The following UGT1A6 variants were observed in gnomAD, a reference collection of about 807,000 sequenced individuals.
UGT1A6 encodes UDP-glucuronosyltransferase 1A6.
In UGT1A6, 32 loss-of-function variants were observed where a neutral mutation model predicts 44.4. The ratio of observed to expected loss-of-function variants is 0.72; its 90% CI spans 0.54 to 0.97. The LOEUF (loss-of-function observed/expected upper bound fraction) is 0.97, where lower values mean the gene tolerates loss of function less well. UGT1A6 is among the 50% of genes least tolerant of loss of function. The pLI is 0.00. For missense variants in UGT1A6, 685 were observed against 661.9 expected (o/e 1.03, Z -0.38); for synonymous variants, 238 against 248.5 (o/e 0.96, Z 0.40).
intron 1 of UGT1A6, chr2:233,747,139 T>C: frequency 6.4e-7 from 1 of 1,552,428 alleles, no homozygotes; most frequent in East Asian, 2.3e-5. Flanking sequence ...AGTGACAAGG[T>C]AATTAAGATG....
At chr2:233,719,227 C>G in intron 1 of UGT1A6, 1 of 1,614,176 alleles carries the variant, frequency 6.2e-7, no homozygotes, top group Non-Finnish European at 8.5e-7. Context: ...CATAATGAGG[C>G]CCTGATCAGG....
intron 1 of UGT1A6, among the ~76,000 whole-genome samples, chr2:233,694,915 T>C (rs1391653118): frequency 6.6e-6 from 1 of 152,254 alleles, no homozygotes; most frequent in Non-Finnish European, 1.5e-5. Flanking sequence ...ACGTATACAA[T>C]GTGCGATGAT....
At chr2:233,719,672 G>T (rs777502728) in intron 1 of UGT1A6, 75 of 1,613,516 alleles carry the variant, frequency 4.6e-5, no homozygotes, top group Non-Finnish European at 6.0e-5. Flanking sequence ...GTGCCAACGG[G>T]AAGCCACTAT....
intron 1 of UGT1A6, among the ~76,000 whole-genome samples, chr2:233,721,360 G>T (rs1478965669): frequency 6.6e-6 from 1 of 152,144 alleles, no homozygotes; most frequent in Non-Finnish European, 1.5e-5. Context: ...AGACTGAACT[G>T]CACTGGCTCA....
rs1438675423 is a variant in UGT1A6 at position 233,720,224 on chromosome 2, C to CA, written c.861+26360dup. On this transcript the variant is annotated intron_variant, in intron 1 of 4. Coordinates refer to ENST00000305139, the MANE Select transcript of UGT1A6 (RefSeq NM_001072.4). ...TGAAGGTGGGATGGATGCATGTGAT[C>CA]AGAGAATGAAACATGGAGTTCAGTT... is the stretch of plus-strand genomic sequence containing the variant. Among the ~76,000 whole-genome samples the CA allele has an allele frequency of 3.3e-5, 5 of 152,078 alleles. No homozygotes were observed. The East Asian group carries it at 9.6e-4, about 29-fold the overall frequency.
chr2:233,729,725 C>A (rs780989099), intron 1 of UGT1A6: 1 of 1,613,968 alleles, frequency 6.2e-7, no homozygotes, highest in East Asian at 2.2e-5. Flanking sequence ...TTACTAACAA[C>A]CAATTCAGAC....
rs35003977 is a variant in UGT1A6, at chr2:233,760,961, T to G, written c.862-6073T>G. 783 of 1,614,200 alleles carry G rather than the reference T, an allele frequency of 4.9e-4. 4 individuals are homozygous for G. The highest frequency in any genetic ancestry group is 3.5e-3 in the Middle Eastern group (21 of 6,062). On this transcript the variant is annotated intron_variant, in intron 1 of 4. Coordinates refer to ENST00000305139, the MANE Select transcript of UGT1A6 (RefSeq NM_001072.4). ...TTTTCACAGAACTTTCTGTGCGACG[T>G]GGTTTATTCCCCGTATGCAACCCTT...
At chr2:233,700,348 T>C (rs1340471212) in intron 1 of UGT1A6, among the ~76,000 whole-genome samples, 1 of 152,336 alleles carries the variant, frequency 6.6e-6, no homozygotes, top group East Asian at 1.9e-4. Flanking sequence ...ACCCTGTGCT[T>C]ATCTTTATGG....
At chr2:233,709,728 A>G (rs1036199930) in intron 1 of UGT1A6, among the ~76,000 whole-genome samples, 11 of 152,204 alleles carry the variant, frequency 7.2e-5, no homozygotes, top group African/African-American at 2.4e-4. Flanking sequence ...TATGTTTTCA[A>G]TTGATACTAC....
chr2:233,713,246 C>T (rs2076296545), intron 1 of UGT1A6: 1 of 1,614,080 alleles, frequency 6.2e-7, no homozygotes, highest in African/African-American at 1.3e-5. Context: ...TTTCATGGAC[C>T]CAGGACGAAT....
intron 1 of UGT1A6, among the ~76,000 whole-genome samples, chr2:233,739,789 G>C (rs1409404802): frequency 6.6e-6 from 1 of 152,118 alleles, no homozygotes; most frequent in African/African-American, 2.4e-5. Context: ...AGACTTTGGA[G>C]GACAGTTGGG....
intron 1 of UGT1A6, chr2:233,753,750 T>C (rs1387497613): frequency 6.6e-6 from 1 of 152,184 alleles, no homozygotes; most frequent in Non-Finnish European, 1.5e-5. Context: ...AATAGGACAG[T>C]TTTGCGTGGC....
intron 1 of UGT1A6, among the ~76,000 whole-genome samples, chr2:233,726,446 C>T (rs1475095997): frequency 6.6e-6 from 1 of 152,204 alleles, no homozygotes; most frequent in African/African-American, 2.4e-5. Context: ...ATTCTTTCCA[C>T]TGAATGTAAG....
chr2:233,722,457 A>G (rs2077013150), intron 1 of UGT1A6, among the ~76,000 whole-genome samples: 4 of 152,226 alleles, frequency 2.6e-5, no homozygotes, highest in South Asian at 4.1e-4. Flanking sequence ...CAAAGAAATA[A>G]CTGTGGAATT....
At chr2:233,760,603 C>T in intron 1 of UGT1A6, 1 of 1,614,202 alleles carries the variant, frequency 6.2e-7, no homozygotes, top group Non-Finnish European at 8.5e-7. Context: ...TGATTCTTTC[C>T]TGCAGCGTGT....
chr2:233,697,864 A>G (rs2075414093), intron 1 of UGT1A6, among the ~76,000 whole-genome samples: 1 of 152,172 alleles, frequency 6.6e-6, no homozygotes, highest in Admixed American at 6.5e-5. Flanking sequence ...TTATGCATTT[A>G]TTTAATGATT....
At chr2:233,735,857 T>C (rs1229821549) in intron 1 of UGT1A6, among the ~76,000 whole-genome samples, 2 of 151,884 alleles carry the variant, frequency 1.3e-5, no homozygotes, top group African/African-American at 4.8e-5. Flanking sequence ...TTCTGTCTTG[T>C]AGGGTTTCTG....
At position 233,772,521 on chromosome 2, in the gene UGT1A6, G is replaced by A. The variant is rs746578451; in HGVS notation, c.1561G>A (p.Gly521Arg). 24 of 1,614,040 alleles carry A rather than the reference G, an allele frequency of 1.5e-5. No individual in the cohort carries two copies. The highest frequency in any genetic ancestry group is 1.7e-6 in the Non-Finnish European group (2 of 1,180,036). ...CTACCGGAAATGCTTGGGGAAAAAA[G>A]GGCGAGTTAAGAAAGCCCACAAATC... ...YGYRKCLGKK[G>R]RVKKAHKSKT... The change falls in exon 5 of 5, where the codon GGG becomes AGG. Residue 521 changes from glycine (G) to arginine (R), a missense_variant. Coordinates refer to ENST00000305139, the MANE Select transcript of UGT1A6 (RefSeq NM_001072.4).
intron 1 of UGT1A6, chr2:233,750,495 G>C (rs1427890072): frequency 6.6e-6 from 1 of 151,984 alleles, no homozygotes; most frequent in African/African-American, 2.4e-5. Flanking sequence ...AAGTAAGGAG[G>C]AGCCAAATGT....
Sources: gnomAD v4.1 joint callset for allele counts (sites outside exome capture counted in the v4.1 genomes callset) on GRCh38, gnomAD v4.1.1 for gene constraint, MANE v1.5 for transcripts, NCBI Gene and HGNC (gene_info 2026-07-23, HGNC 2026-07-21) for gene names.